The following TVP23A variants were observed in gnomAD, a reference collection of about 807,000 sequenced individuals.
TVP23A encodes the protein trans-golgi network vesicle protein 23 homolog A.
In TVP23A, 21 loss-of-function variants were observed where a neutral mutation model predicts 31.7. The observed-to-expected ratio is 0.66, with a 90% CI of 0.47 to 0.95. The LOEUF (loss-of-function observed/expected upper bound fraction) is 0.95. TVP23A is among the 40% of genes least tolerant of loss of function. The probability of loss-of-function intolerance (pLI) is 0.00; values close to 1 mark genes in which losing one functional copy is unlikely to be tolerated. For missense variants in TVP23A, 279 were observed against 255.6 expected, an observed-to-expected ratio of 1.09 and a Z score of -0.62; for synonymous variants, 104 against 96.0, an observed-to-expected ratio of 1.08 and a Z score of -0.49.
chr16:10,785,992 A>G (rs753604090), intron 2 of TVP23A, among the ~76,000 whole-genome samples: 1 of 152,200 alleles, frequency 6.6e-6, no homozygotes, highest in Non-Finnish European at 1.5e-5. Context: ...CTAAAAATAC[A>G]AACAATTAGC....
At chr16:10,796,621 GT>G (rs993195380) in intron 2 of TVP23A, among the ~76,000 whole-genome samples, 5 of 151,834 alleles carry the variant, frequency 3.3e-5, no homozygotes, top group African/African-American at 1.2e-4. Flanking sequence ...TGTATTTTTA[GT>G]AGAGACAGGG....
intron 2 of TVP23A, among the ~76,000 whole-genome samples, chr16:10,781,421 G>A (rs919954091): frequency 6.6e-6 from 1 of 152,142 alleles, no homozygotes; most frequent in Non-Finnish European, 1.5e-5. Flanking sequence ...TCAAGGCAGG[G>A]AGAGTCCTGA....
intron 2 of TVP23A, among the ~76,000 whole-genome samples, chr16:10,811,185 T>C (rs1385954371): frequency 2.6e-5 from 4 of 152,218 alleles, no homozygotes; most frequent in Non-Finnish European, 5.9e-5. Context: ...GTAATGGATG[T>C]ACAACCTTGT....
In TVP23A at chr16:10,768,142, G is replaced by C; in HGVS notation, c.*960C>G. On this transcript the variant is annotated 3_prime_UTR_variant, in exon 8 of 8. Transcript: ENST00000299866. This position sits in a 1 kb window ranked among gnomAD's most constrained non-coding sequence, Gnocchi z 4.3. ...GGTGGTGGGGTCTGTGATGACCACA[G>C]AGTGGCCCCCATAGCCGAGGAAGCC... 1 of 949,472 alleles carries C rather than the reference G, an allele frequency of 1.1e-6. No homozygotes were observed. Among genetic ancestry groups the C allele is most frequent in the Non-Finnish European group, 1.6e-6 (1 of 610,172 alleles). 58.8% of individuals were successfully genotyped at this position (949,472 alleles called of 1,614,324 possible). A position where few individuals can be genotyped will look rare whatever the true frequency, so the allele number is the denominator to read the frequency against.
intron 2 of TVP23A, among the ~76,000 whole-genome samples, chr16:10,793,204 G>T (rs530822845): frequency 6.6e-6 from 1 of 152,116 alleles, no homozygotes; most frequent in Admixed American, 6.6e-5. Context: ...CAGGAGAATC[G>T]CTTGGAGGTT....
rs2031762229 is a variant in TVP23A, at chr16:10,773,312, C to A, written c.453+1G>T. On this transcript the variant is annotated splice_donor_variant, in intron 5 of 7. Transcript: ENST00000299866. LOFTEE classifies it high-confidence loss of function. ...ATGTGGAAGTCAAGATCTGGCCTTA[C>A]CAGCCACTTTAGCTTCAAGGAAAAT... The A allele has an allele frequency of 1.2e-6, 2 of 1,602,126 alleles. No individual in the cohort carries two copies. Among genetic ancestry groups the A allele is most frequent in the Non-Finnish European group, 1.7e-6 (2 of 1,176,592 alleles).
At chr16:10,806,070 G>A (rs1039299086) in intron 2 of TVP23A, among the ~76,000 whole-genome samples, 3 of 152,164 alleles carry the variant, frequency 2.0e-5, no homozygotes, top group African/African-American at 4.8e-5. Context: ...GGCCGGATGC[G>A]GTGGCTCACG....
intron 3 of TVP23A, 63 bp downstream of exon 3, chr16:10,774,889 C>T (rs2031890430): frequency 6.8e-7 from 1 of 1,472,672 alleles, no homozygotes; most frequent in African/African-American, 1.4e-5. Flanking sequence ...CCTCTTGGTA[C>T]CACGCACACA....
intron 2 of TVP23A, among the ~76,000 whole-genome samples, chr16:10,785,176 G>T (rs1174436290): frequency 6.6e-6 from 1 of 150,394 alleles, no homozygotes; most frequent in Non-Finnish European, 1.5e-5. Context: ...AGGCCAAGGC[G>T]GGTGGATCAC....
chr16:10,800,947 T>A, intron 2 of TVP23A, among the ~76,000 whole-genome samples: 1 of 152,118 alleles, frequency 6.6e-6, no homozygotes, highest in South Asian at 2.1e-4. Context: ...GCCAAGATTG[T>A]GCCACTGTAC....
At position 10,771,843 on chromosome 16, in the gene TVP23A, G is replaced by C. The variant is rs1282960067; in HGVS notation, c.454-45C>G. 6.5e-6 allele frequency: 10 copies of C among 1,545,150 alleles called. No individual in the cohort carries two copies. In the East Asian group the frequency reaches 2.5e-4, roughly 38 times the overall value. ...GCAAAGGTCACTTTTTTTTGAGACA[G>C]AGTTTCGCTCTGTCGCCCAGGCTGG... On this transcript the variant is annotated intron_variant, in intron 5 of 7. Coordinates refer to ENST00000299866, the MANE Select transcript of TVP23A (RefSeq NM_001079512.4).
intron 2 of TVP23A, among the ~76,000 whole-genome samples, chr16:10,801,778 A>G (rs936593254): frequency 6.6e-6 from 1 of 152,146 alleles, no homozygotes; most frequent in Admixed American, 6.6e-5. Context: ...GAGAGAAAAA[A>G]TTACTCTAAA....
chr16:10,773,922 A>G lies in TVP23A; in HGVS notation c.324+117T>C. The stretch of plus-strand genomic sequence containing the variant: ...CATGTTTCACCAGAGCACCTTGGCA[A>G]TGGTGGCTTTTGTGTAAGGCAGGAA... On this transcript the variant is annotated intron_variant, in intron 4 of 7. Coordinates refer to ENST00000299866, the MANE Select transcript of TVP23A (RefSeq NM_001079512.4). 3.8e-6 allele frequency: 3 copies of G among 794,308 alleles called. No homozygotes were observed. In the South Asian group the frequency reaches 5.2e-5, roughly 14 times the overall value. The allele number at this position is 794,308 out of a possible 1,614,324, so 49.2% of individuals were successfully genotyped here.
chr16:10,768,982 C>G lies in TVP23A; in HGVS notation c.*120G>C. Reference sequence around the variant, plus strand: ...TGTCAAAACACAGCCCTCCCCAGCACAGGACAGGGCTGTCAAGGGGTAGAC... The same window carrying G: ...TGTCAAAACACAGCCCTCCCCAGCAGAGGACAGGGCTGTCAAGGGGTAGAC... On this transcript the variant is annotated 3_prime_UTR_variant, in exon 8 of 8. Coordinates refer to ENST00000299866, the MANE Select transcript of TVP23A (RefSeq NM_001079512.4). This position sits in a 1 kb window ranked among gnomAD's most constrained non-coding sequence, Gnocchi z 4.3. 6.8e-7 allele frequency: 1 copy of G among 1,463,278 alleles called. No homozygotes were observed. The highest frequency in any genetic ancestry group is 9.6e-7 in the Non-Finnish European group (1 of 1,044,330). 90.6% of individuals were successfully genotyped at this position (1,463,278 alleles called of 1,614,324 possible).
chr16:10,761,651 A>G, intron 8 of TVP23A: 3 of 1,062,416 alleles, frequency 2.8e-6, no homozygotes, highest in Middle Eastern at 2.1e-4. Context: ...AGGGTTCCAC[A>G]TTCAAACTAA....
chr16:10,788,002 A>T (rs1647960422), intron 2 of TVP23A, among the ~76,000 whole-genome samples: 1 of 152,130 alleles, frequency 6.6e-6, no homozygotes, highest in African/African-American at 2.4e-5. Context: ...GACCCATGAC[A>T]CAGCCCCATG....
At chr16:10,812,898 A>T (rs906821102) in intron 2 of TVP23A, among the ~76,000 whole-genome samples, 1 of 152,100 alleles carries the variant, frequency 6.6e-6, no homozygotes, top group African/African-American at 2.4e-5. Flanking sequence ...ACAGTTTTTT[A>T]AAGTTGAAAA....
In TVP23A at chr16:10,767,352, C is replaced by G. The variant is rs530507102; in HGVS notation, c.*1750G>C. On this transcript the variant is annotated 3_prime_UTR_variant, in exon 8 of 8. Transcript: ENST00000299866. This position sits in a 1 kb window ranked among gnomAD's most constrained non-coding sequence, Gnocchi z 4.6. ...ACAATGGCCACATGGCGGGGAAAGA[C>G]TAGCAGACTGATAGACACCAGCACA... The G allele has an allele frequency of 8.0e-5, 32 of 399,602 alleles. No individual in the cohort carries two copies. The highest frequency in any genetic ancestry group is 1.2e-4 in the Non-Finnish European group (27 of 226,852). The allele number at this position is 399,602 out of a possible 1,614,324, so 24.8% of individuals were successfully genotyped here.
intron 2 of TVP23A, among the ~76,000 whole-genome samples, chr16:10,816,339 ATT>A (rs909197215): frequency 7.3e-6 from 1 of 136,514 alleles, no homozygotes. Flanking sequence ...TTAATTAAGA[ATT>A]TTTTTTTTTT....
Sources: gnomAD v4.1 joint callset for allele counts (sites outside exome capture counted in the v4.1 genomes callset) on GRCh38, gnomAD v4.1.1 for gene constraint, Gnocchi (gnomAD v3.1) non-coding constraint, MANE v1.5 for transcripts, NCBI Gene and HGNC (gene_info 2026-07-23, HGNC 2026-07-21) for gene names.